Variants in AP3D1 observed in about 807,000 individuals in gnomAD.
AP3D1 encodes AP-3 complex subunit delta-1.
In AP3D1, 51 loss-of-function variants were observed where a neutral mutation model predicts 147.6. That is an observed-to-expected ratio of 0.35 (90% CI 0.28 to 0.44). AP3D1 has a LOEUF of 0.44. Ranked by LOEUF, AP3D1 falls within the 20% of genes least tolerant of loss-of-function variation. The pLI is 1.00. For synonymous variants in AP3D1, 760 were observed against 663.0 expected (o/e 1.15, Z -2.25); for missense variants, 1,421 against 1,624.2 (o/e 0.87, Z 2.15).
At chr19:2,151,197 G>A in intron 1 of AP3D1, 42 bp downstream of exon 1, 2 of 1,578,202 alleles carry the variant, frequency 1.3e-6, no homozygotes, top group South Asian at 1.1e-5. Flanking sequence ...CTGGGCCGGG[G>A]CTGTGACCAG....
chr19:2,151,092 G>A, intron 1 of AP3D1, 147 bp downstream of exon 1: 3 of 710,396 alleles, frequency 4.2e-6, no homozygotes, highest in Non-Finnish European at 6.5e-6. Context: ...CCCAGGCCCA[G>A]GCCAGGCAGG....
chr19:2,164,393 G>T lies in AP3D1; in HGVS notation c.-140C>A, dbSNP rs964013791. Reference sequence around the variant, plus strand: ...CGGAACGGAGACCCTGGACTCCACTGTCGCTGCTCCACCCCCGTTGCTTCC... The same window carrying T: ...CGGAACGGAGACCCTGGACTCCACTTTCGCTGCTCCACCCCCGTTGCTTCC... On this transcript the variant is annotated 5_prime_UTR_variant, in exon 1 of 15. Transcript: ENST00000643010. 7.2e-6 allele frequency: 4 copies of T among 552,668 alleles called. No individual in the cohort carries two copies. The South Asian group carries it at 3.6e-4, about 49-fold the overall frequency. 34.2% of individuals were successfully genotyped at this position (552,668 alleles called of 1,614,324 possible). A position where few individuals can be genotyped will look rare whatever the true frequency, so the allele number is the denominator to read the frequency against.
At position 2,121,230 on chromosome 19, in the gene AP3D1, C is replaced by T. The variant is rs756366949; in HGVS notation, c.1183G>A (p.Glu395Lys). The change falls in exon 13 of 32, where the codon GAG (glutamate) becomes AAG (lysine). Residue 395 changes from glutamate to lysine, a missense_variant. By Grantham distance (56) the Glu-to-Lys change is moderately conservative. This residue lies in a region of AP3D1 where 310 missense variants were observed against 388.1 expected (regional missense o/e 0.80). Transcript: ENST00000643116. ...DKAEGTTYRD[E>K]LLTKIIDICS... is the part of the protein sequence containing the mutation. ...ATGTCAATGATCTTGGTGAGCAGCT[C>T]GTCACGGTAGGTGGTACCCTCTGCC... 5.6e-6 allele frequency: 9 copies of T among 1,614,210 alleles called. No individual in the cohort carries two copies. Among genetic ancestry groups the T allele is most frequent in the East Asian group, 2.2e-5 (1 of 44,884 alleles).
At chr19:2,121,114 T>C (rs369647553) in intron 13 of AP3D1, 22 bp from the exon 14 acceptor site, 22 of 1,613,262 alleles carry the variant, frequency 1.4e-5, no homozygotes, top group Middle Eastern at 1.6e-4. Context: ...AGGCGGTGAG[T>C]GAGCGGCGCC....
At chr19:2,128,625 GC>G (rs375918335) in intron 8 of AP3D1, among the ~76,000 whole-genome samples, 8 of 11,740 alleles carry the variant, frequency 6.8e-4, no homozygotes, top group Admixed American at 4.1e-3. Flanking sequence ...GAGCCGGCCC[GC>G]CCCCGCCGCT....
chr19:2,116,325 C>T lies in AP3D1; in HGVS notation c.2002-47G>A, dbSNP rs778417478. On this transcript the variant is annotated intron_variant, in intron 17 of 31. Transcript: ENST00000643116. ...GAGCCCGAGAGAAGCGGGCAGGATA[C>T]CCCTCTGTGGACGTCCACCACCAGC... The T allele has an allele frequency of 1.9e-6, 3 of 1,583,604 alleles. No homozygotes were observed. The African/African-American group carries it at 4.0e-5, about 21-fold the overall frequency.
At chr19:2,161,282 C>T (rs1180648610) in intron 1 of AP3D1, among the ~76,000 whole-genome samples, 3 of 151,776 alleles carry the variant, frequency 2.0e-5, no homozygotes, top group Non-Finnish European at 2.9e-5. Flanking sequence ...TTGCCTCAGC[C>T]TCCCGAGTAG....
At chr19:2,150,916 T>G (rs2019489891) in intron 1 of AP3D1, among the ~76,000 whole-genome samples, 1 of 152,010 alleles carries the variant, frequency 6.6e-6, no homozygotes, top group African/African-American at 2.4e-5. Context: ...GAGAGTAAAC[T>G]GAGGGTCCAG....
At chr19:2,120,776 AG>A in intron 14 of AP3D1, 85 bp downstream of exon 14, 3 of 1,362,994 alleles carry the variant, frequency 2.2e-6, no homozygotes, top group South Asian at 2.5e-5. Flanking sequence ...GGGAGACGGT[AG>A]GAAGGATCTG....
intron 11 of AP3D1, among the ~76,000 whole-genome samples, chr19:2,123,108 C>T (rs1005702807): frequency 6.6e-6 from 1 of 152,246 alleles, no homozygotes; most frequent in East Asian, 1.9e-4. Context: ...CTTTGCCATG[C>T]CCCCTGCATC....
intron 1 of AP3D1, among the ~76,000 whole-genome samples, chr19:2,141,971 T>C (rs1022428255): frequency 6.7e-6 from 1 of 149,860 alleles, no homozygotes; most frequent in Admixed American, 6.7e-5. Flanking sequence ...TTTATGTATA[T>C]ACTTGTTTAC....
At chr19:2,147,543 G>A (rs1453252391) in intron 1 of AP3D1, among the ~76,000 whole-genome samples, 4 of 138,894 alleles carry the variant, frequency 2.9e-5, no homozygotes, top group South Asian at 2.3e-4. Context: ...GCAACACAGC[G>A]AGACTCTGAC....
At chr19:2,105,590 T>C (rs1351353452) in intron 31 of AP3D1, among the ~76,000 whole-genome samples, 2 of 152,318 alleles carry the variant, frequency 1.3e-5, no homozygotes, top group African/African-American at 4.8e-5. Context: ...TTAATAAATG[T>C]GGGTAAATCT....
chr19:2,152,297 T>A (rs2019554928), upstream of AP3D1, among the ~76,000 whole-genome samples: 1 of 152,040 alleles, frequency 6.6e-6, no homozygotes, highest in African/African-American at 2.4e-5. Context: ...ATCCCAGCAC[T>A]TTGAGAGGCC....
At chr19:2,141,194 C>T (rs377343233) in intron 1 of AP3D1, among the ~76,000 whole-genome samples, 2 of 152,014 alleles carry the variant, frequency 1.3e-5, no homozygotes, top group South Asian at 2.1e-4. Flanking sequence ...ACAAAAACAC[C>T]GGGAAATCAG....
At chr19:2,152,700 A>G (rs1160337229), upstream of AP3D1, among the ~76,000 whole-genome samples, 1 of 151,232 alleles carries the variant, frequency 6.6e-6, no homozygotes, top group Non-Finnish European at 1.5e-5. Context: ...ATATGGTGAA[A>G]CCCCATCTCT....
In AP3D1 at chr19:2,106,792, G is replaced by C. The variant is rs186201213; in HGVS notation, c.3552+1895C>G. Among the ~76,000 whole-genome samples, 7 of 152,300 alleles carry C rather than the reference G, an allele frequency of 4.6e-5. No homozygotes were observed. The East Asian group carries it at 9.7e-4, about 21-fold the overall frequency. On this transcript the variant is annotated intron_variant, in intron 31 of 31. Transcript: ENST00000643116. ...AAGGACATGAGGTGTAATAACAGCAGCCAGACACAGAAGGATACATTCCGT... is the reference window on the plus strand; with the variant it reads ...AAGGACATGAGGTGTAATAACAGCACCCAGACACAGAAGGATACATTCCGT...
chr19:2,102,136 G>A lies in AP3D1; in HGVS notation c.*37C>T, dbSNP rs113163611. 623 of 1,548,398 alleles carry A rather than the reference G, an allele frequency of 4.0e-4. 5 individuals are homozygous for A. In the Middle Eastern group the frequency reaches 4.4e-3, roughly 11 times the overall value. Reference sequence around the variant, plus strand: ...CGTCAGGGCTGCGGTCCCTGGGTACGTGCTCCGCGGGGTGGTGCGGGGCTC... The same window carrying A: ...CGTCAGGGCTGCGGTCCCTGGGTACATGCTCCGCGGGGTGGTGCGGGGCTC... On this transcript the variant is annotated 3_prime_UTR_variant, in exon 32 of 32. Coordinates refer to ENST00000643116, the MANE Select transcript of AP3D1 (RefSeq NM_001261826.3).
In AP3D1 at chr19:2,117,946, C is replaced by T. The variant is rs149708775; in HGVS notation, c.1714-579G>A. Among the ~76,000 whole-genome samples the T allele has an allele frequency of 7.7e-3, 1,171 of 152,258 alleles. 5 individuals carry two copies. Among genetic ancestry groups the T allele is most frequent in the African/African-American group, 0.013 (549 of 41,554 alleles). On this transcript the variant is annotated intron_variant, in intron 15 of 31. Coordinates refer to ENST00000643116, the MANE Select transcript of AP3D1 (RefSeq NM_001261826.3). ...AGGCTGTGGAGTGTGGATCACCTGA[C>T]GTCAGGAGTTTGAGACCAGCCTGGC...
Sources: gnomAD v4.1 joint callset for allele counts (sites outside exome capture counted in the v4.1 genomes callset) on GRCh38, gnomAD v4.1.1 for gene constraint, gnomAD v4.1.1 regional missense constraint, MANE v1.5 for transcripts, NCBI Gene and HGNC (gene_info 2026-07-23, HGNC 2026-07-21) for gene names.